ZNF346: variants seen among roughly 807,000 people sequenced by gnomAD.
The protein encoded by ZNF346 is double-stranded RNA-binding zinc finger protein JAZ.
ZNF346 carries 23 observed loss-of-function variants against 33.7 expected under a neutral mutation model. The observed-to-expected ratio is 0.68, with a 90% confidence interval of 0.49 to 0.97. ZNF346 has a LOEUF of 0.97. Ranked by LOEUF, ZNF346 falls within the 50% of genes least tolerant of loss-of-function variation. The probability of loss-of-function intolerance (pLI) is 0.00; values close to 1 mark genes in which losing one functional copy is unlikely to be tolerated. For missense variants in ZNF346, 340 were observed against 371.1 expected (o/e 0.92, Z 0.69); for synonymous variants, 134 against 142.4 (o/e 0.94, Z 0.42).
At chr5:177,044,330 T>C in intron 3 of ZNF346, 59 bp from the exon 4 acceptor site, 1 of 1,604,180 alleles carries the variant, frequency 6.2e-7, no homozygotes, top group Non-Finnish European at 8.5e-7. Context: ...TGGGGAACCA[T>C]TGAAGATTTT....
At chr5:177,039,467 T>A (rs956321192) in intron 1 of ZNF346, among the ~76,000 whole-genome samples, 1 of 149,276 alleles carries the variant, frequency 6.7e-6, no homozygotes, top group Non-Finnish European at 1.5e-5. Context: ...TTTTTTTTTT[T>A]AAGACAGGGG....
chr5:177,078,120 C>A (rs1478059320), intron 8 of ZNF346, among the ~76,000 whole-genome samples: 1 of 152,076 alleles, frequency 6.6e-6, no homozygotes, highest in African/African-American at 2.4e-5. Context: ...GCACTCCAGC[C>A]TGGGCAACAG....
At chr5:177,061,103 C>CTCT (rs72536789) in intron 5 of ZNF346, among the ~76,000 whole-genome samples, 1 of 29,934 alleles carries the variant, frequency 3.3e-5, no homozygotes, top group Non-Finnish European at 5.8e-5. Context: ...CAGAGCAAGA[C>CTCT]TGTCTCAAAA....
intron 1 of ZNF346, among the ~76,000 whole-genome samples, chr5:177,024,157 T>TACACACACAC (rs144403449): frequency 6.6e-4 from 80 of 121,360 alleles, no homozygotes; most frequent in Middle Eastern, 4.6e-3. Flanking sequence ...ATTTTATGTA[T>TACACACACAC]ACACACACAC....
At chr5:177,037,288 G>T (rs748920399) in intron 1 of ZNF346, among the ~76,000 whole-genome samples, 2 of 151,964 alleles carry the variant, frequency 1.3e-5, no homozygotes, top group Admixed American at 1.3e-4. Flanking sequence ...CTTCATCTAC[G>T]CTAGGCAATC....
intron 5 of ZNF346, 135 bp from the exon 6 acceptor site, chr5:177,061,923 G>C: frequency 1.4e-6 from 1 of 704,550 alleles, no homozygotes; most frequent in South Asian, 1.7e-5. Flanking sequence ...TGGCCTCTGG[G>C]TTCTCATCAG....
chr5:177,044,739 A>G (rs986293356), intron 4 of ZNF346, among the ~76,000 whole-genome samples: 2 of 152,168 alleles, frequency 1.3e-5, no homozygotes, highest in African/African-American at 4.8e-5. Flanking sequence ...TTCTTTGGTT[A>G]TAGGTTTTTC....
intron 1 of ZNF346, among the ~76,000 whole-genome samples, chr5:177,031,733 T>G (rs1641064583): frequency 6.6e-6 from 1 of 152,150 alleles, no homozygotes; most frequent in Non-Finnish European, 1.5e-5. Context: ...CTTACACATA[T>G]GTTAGTATGC....
At chr5:177,024,769 C>T (rs1776526001) in intron 1 of ZNF346, among the ~76,000 whole-genome samples, 1 of 152,182 alleles carries the variant, frequency 6.6e-6, no homozygotes, top group Non-Finnish European at 1.5e-5. Context: ...GACCTTTGCC[C>T]TGGATCTTGA....
rs1782938075 is a variant in ZNF346, at chr5:177,064,432, G to A, written c.798-80G>A. 8.7e-6 allele frequency: 10 copies of A among 1,144,592 alleles called. No homozygotes were observed. In the East Asian group the frequency reaches 2.1e-4, roughly 24 times the overall value. The allele number at this position is 1,144,592 out of a possible 1,614,324, so 70.9% of individuals were successfully genotyped here. On this transcript the variant is annotated intron_variant, in intron 6 of 6. Coordinates refer to ENST00000358149, the MANE Select transcript of ZNF346 (RefSeq NM_012279.4). ...TCCTGTCTATTACTCCAAGGCCCTGGAAGGGCAGTGCTATCATTGCAGTAG... is the reference window on the plus strand; with the variant it reads ...TCCTGTCTATTACTCCAAGGCCCTGAAAGGGCAGTGCTATCATTGCAGTAG...
At chr5:177,036,501 G>A (rs1581825534) in intron 1 of ZNF346, among the ~76,000 whole-genome samples, 2 of 151,870 alleles carry the variant, frequency 1.3e-5, no homozygotes, top group East Asian at 3.9e-4. Context: ...AAGTCATTTT[G>A]AGATCTACCC....
chr5:177,078,793 C>A (rs538561905), intron 8 of ZNF346, among the ~76,000 whole-genome samples: 1 of 151,924 alleles, frequency 6.6e-6, no homozygotes, highest in South Asian at 2.1e-4. Context: ...CGCCTGTAAT[C>A]CCAGGTACTT....
intron 1 of ZNF346, 78 bp from the exon 2 acceptor site, chr5:177,041,048 G>A (rs1354762618): frequency 1.8e-6 from 2 of 1,129,376 alleles, no homozygotes; most frequent in African/African-American, 3.0e-5. Flanking sequence ...CAGTGCCTGT[G>A]TTTGAGGCAG....
intron 5 of ZNF346, 73 bp from the exon 6 acceptor site, chr5:177,061,985 A>G (rs976156323): frequency 7.4e-7 from 1 of 1,346,794 alleles, no homozygotes; most frequent in Non-Finnish European, 1.1e-6. Context: ...GGGCATTTGT[A>G]CACTCTGAAA....
chr5:177,030,012 T>C (rs1366018727), intron 1 of ZNF346, among the ~76,000 whole-genome samples: 1 of 152,172 alleles, frequency 6.6e-6, no homozygotes, highest in African/African-American at 2.4e-5. Context: ...AATTGAGTGC[T>C]TGGTTTCTGG....
At chr5:177,055,034 G>GTTTT (rs1213847902) in intron 5 of ZNF346, among the ~76,000 whole-genome samples, 2 of 137,354 alleles carry the variant, frequency 1.5e-5, no homozygotes, top group Non-Finnish European at 1.6e-5. Flanking sequence ...AAATACGTAG[G>GTTTT]TTTTTTTTTT....
rs529162188 is a variant in ZNF346, at chr5:177,024,127, T to G, written c.175+1214T>G. Among the ~76,000 whole-genome samples the G allele has an allele frequency of 6.2e-5, 9 of 145,582 alleles. No homozygotes were observed. In the South Asian group the frequency reaches 1.8e-3, roughly 29 times the overall value. On this transcript the variant is annotated intron_variant, in intron 1 of 6. Transcript: ENST00000358149. ...TACACACATAAATCTGTATATATAT[T>G]TTTATATACACTTGTAAGTATTTTA...
chr5:177,026,691 G>A (rs1776833589), intron 1 of ZNF346, among the ~76,000 whole-genome samples: 1 of 152,106 alleles, frequency 6.6e-6, no homozygotes. Context: ...GTATTTTATA[G>A]AAGTGTTGAC....
At chr5:177,040,432 C>T (rs563353419) in intron 1 of ZNF346, among the ~76,000 whole-genome samples, 23 of 152,226 alleles carry the variant, frequency 1.5e-4, no homozygotes, top group African/African-American at 5.5e-4. Flanking sequence ...ACAACCTCTG[C>T]CTCCTGGGTT....
Sources: allele counts gnomAD v4.1 joint callset (sites outside exome capture counted in the v4.1 genomes callset), GRCh38; gene constraint gnomAD v4.1.1; transcripts MANE v1.5; gene names NCBI Gene and HGNC (gene_info 2026-07-23, HGNC 2026-07-21).